Variants in PPARGC1A observed in about 807,000 individuals in gnomAD.
PPARGC1A encodes peroxisome proliferator-activated receptor gamma coactivator 1-alpha.
A neutral mutation model predicts 88.7 loss-of-function variants in PPARGC1A; 25 were observed. The ratio of observed to expected loss-of-function variants is 0.28; its 90% confidence interval spans 0.21 to 0.39. The LOEUF (loss-of-function observed/expected upper bound fraction) is 0.39. Among genes scored for constraint, PPARGC1A ranks in the 10% least tolerant of loss-of-function variants. The pLI is 1.00. For synonymous variants in PPARGC1A, 363 were observed against 355.6 expected, an observed-to-expected ratio of 1.02 and a Z score of -0.24; for missense variants, 880 against 968.7, an observed-to-expected ratio of 0.91 and a Z score of 1.22.
At chr4:24,217,499 G>A in the PPARGC1A span, among the ~76,000 whole-genome samples, 1 of 152,080 alleles carries the variant, frequency 6.6e-6, no homozygotes, top group Non-Finnish European at 1.5e-5. Flanking sequence ...AAGAGAAGGG[G>A]CCTGGTATAA....
the PPARGC1A span, among the ~76,000 whole-genome samples, chr4:24,243,276 A>ATCC: frequency 6.6e-6 from 1 of 152,160 alleles, no homozygotes; most frequent in Non-Finnish European, 1.5e-5. Flanking sequence ...CACAAAGTGG[A>ATCC]TCCTCATCAT....
the PPARGC1A span, among the ~76,000 whole-genome samples, chr4:24,152,744 A>G: frequency 6.6e-6 from 1 of 152,236 alleles, no homozygotes; most frequent in Non-Finnish European, 1.5e-5. Flanking sequence ...TGCAAAAAGC[A>G]TTTGCTAATT....
chr4:24,366,530 A>G, the PPARGC1A span, among the ~76,000 whole-genome samples: 1 of 152,246 alleles, frequency 6.6e-6, no homozygotes, highest in African/African-American at 2.4e-5. Context: ...CCCACAACAC[A>G]ACCAACAACA....
chr4:24,207,970 G>A, the PPARGC1A span, among the ~76,000 whole-genome samples: 1 of 152,094 alleles, frequency 6.6e-6, no homozygotes, highest in African/African-American at 2.4e-5. Context: ...ATTCCCATGA[G>A]CTTCAAGTCA....
the PPARGC1A span, among the ~76,000 whole-genome samples, chr4:24,461,646 T>A: frequency 6.6e-6 from 1 of 152,034 alleles, no homozygotes; most frequent in South Asian, 2.1e-4. Context: ...GTGTCTCTCT[T>A]ACTAAATGAA....
the PPARGC1A span, among the ~76,000 whole-genome samples, chr4:24,368,327 T>C: frequency 2.0e-5 from 3 of 152,184 alleles, no homozygotes; most frequent in Non-Finnish European, 4.4e-5. Flanking sequence ...TCGTGAAATA[T>C]AGCTGTGGAT....
the PPARGC1A span, among the ~76,000 whole-genome samples, chr4:24,213,686 C>T: frequency 1.3e-5 from 2 of 152,128 alleles, no homozygotes; most frequent in Admixed American, 1.3e-4. Flanking sequence ...TGCATACACA[C>T]GTACATGCAT....
chr4:23,826,949 C>T (rs1010322949), intron 5 of PPARGC1A, among the ~76,000 whole-genome samples: 6 of 152,108 alleles, frequency 3.9e-5, no homozygotes, highest in African/African-American at 7.2e-5. Context: ...AAAATGCATG[C>T]ATGACCAGCA....
chr4:24,175,538 C>A, the PPARGC1A span, among the ~76,000 whole-genome samples: 5 of 84,878 alleles, frequency 5.9e-5, no homozygotes, highest in South Asian at 1.9e-3. Context: ...CCACACCAAG[C>A]TTTTTTTTTT....
chr4:24,079,941 C>G, the PPARGC1A span, among the ~76,000 whole-genome samples: 1 of 151,972 alleles, frequency 6.6e-6, no homozygotes, highest in Admixed American at 6.6e-5. Context: ...GTTTTAATTA[C>G]CATTAACTTT....
chr4:24,307,033 T>C, the PPARGC1A span, among the ~76,000 whole-genome samples: 1 of 152,242 alleles, frequency 6.6e-6, no homozygotes, highest in Non-Finnish European at 1.5e-5. Flanking sequence ...TGTCTTAAGA[T>C]TGATGGGATA....
At chr4:24,107,023 A>T in the PPARGC1A span, among the ~76,000 whole-genome samples, 1 of 152,248 alleles carries the variant, frequency 6.6e-6, no homozygotes, top group Non-Finnish European at 1.5e-5. Flanking sequence ...AGCCATGATA[A>T]AAAGGCCAGG....
the PPARGC1A span, among the ~76,000 whole-genome samples, chr4:24,201,133 A>C: frequency 6.6e-6 from 1 of 152,356 alleles, no homozygotes; most frequent in East Asian, 1.9e-4. Flanking sequence ...TTTAGAAATT[A>C]TATGCCATAA....
At chr4:24,151,480 C>T in the PPARGC1A span, among the ~76,000 whole-genome samples, 1 of 152,154 alleles carries the variant, frequency 6.6e-6, no homozygotes, top group African/African-American at 2.4e-5. Flanking sequence ...GGTCCACCTC[C>T]ATTTACCATC....
At chr4:24,429,794 G>A in the PPARGC1A span, among the ~76,000 whole-genome samples, 1 of 151,926 alleles carries the variant, frequency 6.6e-6, no homozygotes. Flanking sequence ...TGAGATCACA[G>A]GCACCCGCCA....
the PPARGC1A span, among the ~76,000 whole-genome samples, chr4:23,987,468 CA>C: frequency 2.0e-5 from 3 of 151,960 alleles, no homozygotes; most frequent in South Asian, 6.2e-4. Flanking sequence ...TGAGTTTTAA[CA>C]GATGCTGTTC....
chr4:23,807,781 A>T (rs1720098335), intron 10 of PPARGC1A, among the ~76,000 whole-genome samples: 1 of 151,890 alleles, frequency 6.6e-6, no homozygotes, highest in Non-Finnish European at 1.5e-5. Context: ...ATAACATGAA[A>T]TCTATCCTCT....
the PPARGC1A span, among the ~76,000 whole-genome samples, chr4:24,203,980 T>C: frequency 6.6e-6 from 1 of 152,250 alleles, no homozygotes; most frequent in Non-Finnish European, 1.5e-5. Flanking sequence ...TTGCTTATTA[T>C]AGATATTGAA....
At chr4:23,867,045 T>C (rs2148742747) in intron 2 of PPARGC1A, among the ~76,000 whole-genome samples, 1 of 152,330 alleles carries the variant, frequency 6.6e-6, no homozygotes, top group South Asian at 2.1e-4. Flanking sequence ...AAGTGCAGTT[T>C]GCTAAATTTT....
Sources: allele counts gnomAD v4.1 joint callset (sites outside exome capture counted in the v4.1 genomes callset), GRCh38; gene constraint gnomAD v4.1.1; transcripts MANE v1.5; gene names NCBI Gene and HGNC (gene_info 2026-07-23, HGNC 2026-07-21).